Variants in N4BP1 observed in about 807,000 individuals in gnomAD.
N4BP1 encodes NEDD4 binding protein 1.
Under a neutral mutation model 70.9 loss-of-function variants are expected in N4BP1, and 21 were observed. The observed-to-expected ratio is 0.30, with a 90% CI of 0.21 to 0.43. The LOEUF is 0.43. Among genes scored for constraint, N4BP1 ranks in the 20% least tolerant of loss-of-function variants. The pLI is 1.00. For missense variants in N4BP1, 936 were observed against 1,069.4 expected, an observed-to-expected ratio of 0.88 and a Z score of 1.74; for synonymous variants, 387 against 394.6, an observed-to-expected ratio of 0.98 and a Z score of 0.23.
At chr16:48,594,812 T>G (rs1964387132) in intron 1 of N4BP1, among the ~76,000 whole-genome samples, 1 of 152,262 alleles carries the variant, frequency 6.6e-6, no homozygotes, top group Non-Finnish European at 1.5e-5. Context: ...TTATCAATAA[T>G]AATTGTTATG....
At chr16:48,557,773 G>C (rs1963777535) in intron 2 of N4BP1, among the ~76,000 whole-genome samples, 1 of 152,106 alleles carries the variant, frequency 6.6e-6, no homozygotes, top group Non-Finnish European at 1.5e-5. Flanking sequence ...CTTAAAAAAA[G>C]AAAAATTCTA....
At chr16:48,543,467 C>T (rs1430052920) in intron 6 of N4BP1, among the ~76,000 whole-genome samples, 1 of 152,118 alleles carries the variant, frequency 6.6e-6, no homozygotes, top group Non-Finnish European at 1.5e-5. Flanking sequence ...CACCTCAAGG[C>T]GTGCCAGGGA....
At chr16:48,605,929 T>G (rs1347748820) in intron 1 of N4BP1, among the ~76,000 whole-genome samples, 3 of 152,220 alleles carry the variant, frequency 2.0e-5, no homozygotes, top group African/African-American at 7.2e-5. Flanking sequence ...TTCTTCCCTC[T>G]GCCAGGACCT....
At chr16:48,544,841 ACACT>A (rs1342391554) in intron 6 of N4BP1, among the ~76,000 whole-genome samples, 2 of 152,200 alleles carry the variant, frequency 1.3e-5, no homozygotes, top group African/African-American at 2.4e-5. Context: ...ATGTAAAAAG[ACACT>A]CACACATACA....
intron 1 of N4BP1, among the ~76,000 whole-genome samples, chr16:48,565,608 T>C (rs1963930521): frequency 6.6e-6 from 1 of 152,232 alleles, no homozygotes; most frequent in Admixed American, 6.5e-5. Context: ...GTACTGTTTT[T>C]GTCTGCGTTT....
At chr16:48,595,717 C>T (rs756634169) in intron 1 of N4BP1, among the ~76,000 whole-genome samples, 5 of 152,300 alleles carry the variant, frequency 3.3e-5, no homozygotes, top group East Asian at 1.9e-4. Context: ...ACTGGAATGG[C>T]GTGCTTTCCT....
chr16:48,547,059 C>T (rs976376043), intron 5 of N4BP1, among the ~76,000 whole-genome samples: 2 of 152,362 alleles, frequency 1.3e-5, no homozygotes, highest in Admixed American at 6.5e-5. Context: ...AAAATGCATA[C>T]AGTAATTAAC....
intron 2 of N4BP1, chr16:48,559,666 T>C (rs889988069): frequency 6.6e-6 from 1 of 152,180 alleles, no homozygotes; most frequent in Non-Finnish European, 1.5e-5. Flanking sequence ...GGCAAATGCC[T>C]CATCACAGGA....
intron 2 of N4BP1, chr16:48,559,840 A>G (rs758850771): frequency 6.6e-6 from 1 of 152,248 alleles, no homozygotes; most frequent in South Asian, 2.1e-4. Flanking sequence ...GTTCGTGCAG[A>G]TCAACTCTGC....
intron 1 of N4BP1, among the ~76,000 whole-genome samples, chr16:48,568,940 G>A (rs1447147267): frequency 6.6e-6 from 1 of 152,210 alleles, no homozygotes; most frequent in African/African-American, 2.4e-5. Context: ...TGCCAAACTT[G>A]AAATGTCTTC....
chr16:48,580,142 T>C (rs546121667), intron 1 of N4BP1, among the ~76,000 whole-genome samples: 30 of 151,616 alleles, frequency 2.0e-4, no homozygotes, highest in Admixed American at 4.6e-4. Context: ...ACTATAAAAA[T>C]AGAAAATATT....
intron 1 of N4BP1, among the ~76,000 whole-genome samples, chr16:48,583,216 G>T (rs1964198893): frequency 6.6e-6 from 1 of 152,072 alleles, no homozygotes. Context: ...ACAATGGAAT[G>T]CTTATCAGCC....
Position 48,609,977 on chromosome 16 carries a change from G to A in N4BP1, c.-5C>T, listed in dbSNP as rs980911200. ...CAGCACCGCCCGGGCCGCCATGGCGGGCGCGGCCTCCCGCGGCGGCGCCGG... is the reference window on the plus strand; with the variant it reads ...CAGCACCGCCCGGGCCGCCATGGCGAGCGCGGCCTCCCGCGGCGGCGCCGG... On this transcript the variant is annotated 5_prime_UTR_variant, in exon 1 of 7. Coordinates refer to ENST00000262384, the MANE Select transcript of N4BP1 (RefSeq NM_153029.4). 3.3e-6 allele frequency: 4 copies of A among 1,210,040 alleles called. No individual in the cohort carries two copies. The highest frequency in any genetic ancestry group is 1.6e-5 in the African/African-American group (1 of 62,966). The allele number at this position is 1,210,040 out of a possible 1,614,324, so 75.0% of individuals were successfully genotyped here.
At position 48,560,968 on chromosome 16, in the gene N4BP1, A is replaced by G. The variant is rs1369208407; in HGVS notation, c.1675T>C (p.Ser559Pro). ...AGTGGCATTGGTGGAGAAAGGGTTG[A>G]GCAATTTGGCTTAGAATGAGGAGAA... ...CSSPHSKPNC[S>P]TLSPPMPLPQ... is the part of the protein sequence containing the mutation. Residue 559 changes from serine (S) to proline (P), a missense_variant, in exon 2 of 7, where the codon TCA becomes CCA. By Grantham distance (74) the Ser-to-Pro change is moderately conservative (BLOSUM62 -1). Transcript: ENST00000262384. 6.8e-6 allele frequency: 11 copies of G among 1,614,034 alleles called. No homozygotes were observed. The highest frequency in any genetic ancestry group is 8.5e-6 in the Non-Finnish European group (10 of 1,179,888).
At chr16:48,545,308 G>A (rs149718591) in intron 6 of N4BP1, among the ~76,000 whole-genome samples, 3,145 of 148,894 alleles carry the variant, frequency 0.021, 110 homozygotes, top group African/African-American at 0.071. Flanking sequence ...AGTGGCTCAC[G>A]CCTGTAATCC....
At chr16:48,562,983 A>AT (rs1409792169) in intron 1 of N4BP1, among the ~76,000 whole-genome samples, 21 of 124,352 alleles carry the variant, frequency 1.7e-4, no homozygotes, top group Admixed American at 1.2e-3. Flanking sequence ...ATTAATAAAA[A>AT]ATTTTTTTCC....
intron 1 of N4BP1, among the ~76,000 whole-genome samples, chr16:48,566,747 C>G (rs1963948292): frequency 6.6e-6 from 1 of 152,156 alleles, no homozygotes; most frequent in South Asian, 2.1e-4. Context: ...CTGAGTTCCT[C>G]TAGATCCTCA....
intron 1 of N4BP1, among the ~76,000 whole-genome samples, chr16:48,568,154 T>G (rs746726150): frequency 6.6e-6 from 1 of 152,222 alleles, no homozygotes. Flanking sequence ...ATGCTTTCCC[T>G]GTGGTCCTGC....
intron 4 of N4BP1, 126 bp downstream of exon 4, chr16:48,551,260 T>G: frequency 1.6e-6 from 1 of 624,802 alleles, no homozygotes; most frequent in Non-Finnish European, 2.9e-6. Flanking sequence ...ATCACCTTAA[T>G]GACCATAAAT....
Sources: gnomAD v4.1 joint callset for allele counts (sites outside exome capture counted in the v4.1 genomes callset) on GRCh38, gnomAD v4.1.1 for gene constraint, MANE v1.5 for transcripts, NCBI Gene and HGNC (gene_info 2026-07-23, HGNC 2026-07-21) for gene names.